Variants in MYO1D observed in about 807,000 individuals in gnomAD.
MYO1D encodes myosin ID.
In MYO1D, 83 loss-of-function variants were observed where a neutral mutation model predicts 122.0. The observed-to-expected ratio is 0.68, with a 90% CI of 0.57 to 0.82. The LOEUF (loss-of-function observed/expected upper bound fraction) is 0.82. Ranked by LOEUF, MYO1D falls within the 40% of genes least tolerant of loss-of-function variation. The pLI is 0.00. For synonymous variants in MYO1D, 464 were observed against 446.9 expected (o/e 1.04, Z -0.48); for missense variants, 1,157 against 1,269.5 (o/e 0.91, Z 1.35).
intron 1 of MYO1D, among the ~76,000 whole-genome samples, chr17:32,793,000 T>A (rs1478657195): frequency 6.6e-6 from 1 of 152,144 alleles, no homozygotes; most frequent in Non-Finnish European, 1.5e-5. Flanking sequence ...TCTGAGTAAC[T>A]AGTAAGTGTC....
At chr17:32,622,597 C>A in intron 20 of MYO1D, among the ~76,000 whole-genome samples, 1 of 152,038 alleles carries the variant, frequency 6.6e-6, no homozygotes, top group Non-Finnish European at 1.5e-5. Flanking sequence ...TGGGCAGAGG[C>A]CTGAATGAAG....
At chr17:32,631,184 T>TG (rs1171542269) in intron 20 of MYO1D, among the ~76,000 whole-genome samples, 25 of 152,076 alleles carry the variant, frequency 1.6e-4, no homozygotes, top group Admixed American at 1.4e-3. Flanking sequence ...GTCAATATGA[T>TG]GGGAAAAAAA....
rs1598177253 is a variant in MYO1D at position 32,877,027 on chromosome 17, C to T, written c.-155G>A. 3.6e-6 allele frequency: 1 copy of T among 280,456 alleles called. No individual in the cohort carries two copies. The highest frequency in any genetic ancestry group is 7.3e-5 in the East Asian group (1 of 13,682). The allele number at this position is 280,456 out of a possible 1,614,324, so 17.4% of individuals were successfully genotyped here. On this transcript the variant is annotated 5_prime_UTR_variant, in exon 1 of 22. Transcript: ENST00000318217. Reference sequence around the variant, plus strand: ...TCGGCGGGTCCGGGCCGGACAGAGGCCGCCTCGCTGCTCCTCGGCGCCTTC... The same window carrying T: ...TCGGCGGGTCCGGGCCGGACAGAGGTCGCCTCGCTGCTCCTCGGCGCCTTC...
Position 32,755,509 on chromosome 17 carries a change from G to A in MYO1D, c.1450C>T (p.His484Tyr). 6.2e-7 allele frequency: 1 copy of A among 1,613,750 alleles called. No individual in the cohort carries two copies. Among genetic ancestry groups the A allele is most frequent in the Non-Finnish European group, 8.5e-7 (1 of 1,179,740 alleles). ...CACATTACCTTTCGGCTGGAAAAAT[G>A]GGCGTGTTTGCCCAATTTACTGTTA... Reference protein sequence around the residue: ...ALNSKLGKHAHFSSRKLCASD... With the variant: ...ALNSKLGKHAYFSSRKLCASD... The change falls in exon 11 of 22, where the codon CAT becomes TAT. Residue 484 changes from histidine to tyrosine, a missense_variant. Coordinates refer to ENST00000318217, the MANE Select transcript of MYO1D (RefSeq NM_015194.3).
chr17:32,532,419 C>T (rs577502072), intron 21 of MYO1D, among the ~76,000 whole-genome samples: 2 of 152,230 alleles, frequency 1.3e-5, no homozygotes, highest in South Asian at 2.1e-4. Flanking sequence ...TGCCCTTAGT[C>T]GGGCGAATAT....
chr17:32,647,173 T>A (rs939366978), intron 19 of MYO1D, among the ~76,000 whole-genome samples: 3 of 152,134 alleles, frequency 2.0e-5, no homozygotes, highest in Admixed American at 6.6e-5. Flanking sequence ...AGAAAACACA[T>A]CATGGTTGAG....
intron 1 of MYO1D, among the ~76,000 whole-genome samples, chr17:32,864,007 C>CTTTTCTTTTTTTTTTT (rs2091100932): frequency 4.1e-5 from 2 of 48,960 alleles, no homozygotes; most frequent in African/African-American, 2.1e-4. Context: ...ACATTTCTTC[C>CTTTTCTTTTTTTTTTT]TTTTTTTTTT....
chr17:32,763,349 AAAC>A (rs1006271330), intron 8 of MYO1D, among the ~76,000 whole-genome samples: 89 of 152,352 alleles, frequency 5.8e-4, no homozygotes, highest in South Asian at 4.1e-4. Flanking sequence ...TCAACCAGCA[AAAC>A]AACAACAACG....
chr17:32,552,837 C>T lies in MYO1D; in HGVS notation c.2864+52250G>A, dbSNP rs577768168. On this transcript the variant is annotated intron_variant, in intron 21 of 21. Transcript: ENST00000318217. ...AACTTGCTGGAGACTAAGCTTTACT[C>T]CATGTAAGTAACTGGAAACACCTGA... is the stretch of plus-strand genomic sequence containing the variant. Among the ~76,000 whole-genome samples, 4 of 152,258 alleles carry T rather than the reference C, an allele frequency of 2.6e-5. No individual in the cohort carries two copies. In the East Asian group the frequency reaches 5.8e-4, roughly 22 times the overall value.
Position 32,542,955 on chromosome 17 carries a change from G to A in MYO1D, c.2865-48040C>T, listed in dbSNP as rs188171295. ...TAAATTACGTATCTGGGCCGGGCAC[G>A]GTGGCTCACACCTGTAATCCCGGCA... On this transcript the variant is annotated intron_variant, in intron 21 of 21. Transcript: ENST00000318217. 1.1e-4 allele frequency among the ~76,000 whole-genome samples: 16 copies of A among 152,302 alleles called. No homozygotes were observed. In the East Asian group the frequency reaches 2.7e-3, roughly 26 times the overall value.
intron 1 of MYO1D, among the ~76,000 whole-genome samples, chr17:32,845,476 G>A (rs1255823956): frequency 6.6e-6 from 1 of 152,166 alleles, no homozygotes; most frequent in Non-Finnish European, 1.5e-5. Context: ...GATTTCCAAA[G>A]AGGTTTTACA....
chr17:32,551,427 C>G (rs1302114524), intron 21 of MYO1D, among the ~76,000 whole-genome samples: 8 of 152,200 alleles, frequency 5.3e-5, no homozygotes, highest in Admixed American at 5.2e-4. Context: ...CTTGGTTTCA[C>G]TTGTATATCC....
chr17:32,670,408 TATATACACAG>T (rs1311047493), intron 16 of MYO1D, among the ~76,000 whole-genome samples: 1 of 152,138 alleles, frequency 6.6e-6, no homozygotes, highest in Non-Finnish European at 1.5e-5. Flanking sequence ...CAAATAGATC[TATATACACAG>T]ATATACACAT....
intron 16 of MYO1D, among the ~76,000 whole-genome samples, chr17:32,688,278 A>G (rs2089046499): frequency 6.6e-6 from 1 of 152,238 alleles, no homozygotes; most frequent in Non-Finnish European, 1.5e-5. Context: ...GTAAAAAATT[A>G]CCTGCAACAC....
intron 21 of MYO1D, among the ~76,000 whole-genome samples, chr17:32,551,543 C>T (rs1478205828): frequency 1.6e-5 from 2 of 123,644 alleles, no homozygotes; most frequent in Non-Finnish European, 3.3e-5. Context: ...TCCCCCCACC[C>T]ACCATCCCAC....
chr17:32,741,120 G>A (rs1356797661), intron 13 of MYO1D, among the ~76,000 whole-genome samples: 3 of 151,692 alleles, frequency 2.0e-5, no homozygotes, highest in Non-Finnish European at 4.4e-5. Flanking sequence ...CCCAGTTACT[G>A]GGGAGGCAGA....
chr17:32,522,488 T>G (rs371592469), intron 21 of MYO1D, among the ~76,000 whole-genome samples: 1 of 152,368 alleles, frequency 6.6e-6, no homozygotes, highest in South Asian at 2.1e-4. Context: ...CTGGAAGGGA[T>G]GCATAGTGAA....
intron 16 of MYO1D, among the ~76,000 whole-genome samples, chr17:32,674,441 T>C (rs1300352559): frequency 6.6e-6 from 1 of 152,196 alleles, no homozygotes; most frequent in African/African-American, 2.4e-5. Flanking sequence ...ATGACTGGTA[T>C]TACCCCAAGA....
At chr17:32,851,006 A>G (rs970509308) in intron 1 of MYO1D, among the ~76,000 whole-genome samples, 2 of 152,120 alleles carry the variant, frequency 1.3e-5, no homozygotes, top group Non-Finnish European at 2.9e-5. Flanking sequence ...AAAAACAACA[A>G]CAACAACAAC....
Sources: gnomAD v4.1 joint callset for allele counts (sites outside exome capture counted in the v4.1 genomes callset) on GRCh38, gnomAD v4.1.1 for gene constraint, MANE v1.5 for transcripts, NCBI Gene and HGNC (gene_info 2026-07-23, HGNC 2026-07-21) for gene names.